The following SLC36A2 variants were observed in gnomAD, a reference collection of about 807,000 sequenced individuals.
The protein encoded by SLC36A2 is proton-coupled amino acid transporter 2.
SLC36A2 carries 39 observed loss-of-function variants against 42.7 expected under a neutral mutation model. The observed-to-expected ratio is 0.91, with a 90% CI of 0.71 to 1.19. The LOEUF is 1.19. Among genes scored for constraint, SLC36A2 ranks in the 50% most tolerant of loss-of-function variants. SLC36A2 has a pLI of 0.00. For synonymous variants in SLC36A2, 237 were observed against 240.8 expected, an observed-to-expected ratio of 0.98 and a Z score of 0.15; for missense variants, 590 against 613.7, an observed-to-expected ratio of 0.96 and a Z score of 0.41.
intron 9 of SLC36A2, chr5:151,319,741 A>T (rs973224723): frequency 6.5e-6 from 1 of 153,148 alleles, no homozygotes; most frequent in Non-Finnish European, 1.5e-5. Flanking sequence ...TTTGTCTGTG[A>T]CACCTGGACA....
In SLC36A2 at chr5:151,316,812, C is replaced by G. The variant is rs1337575343; in HGVS notation, c.*5G>C. The G allele has an allele frequency of 3.1e-6, 5 of 1,612,532 alleles. No individual in the cohort carries two copies. Among genetic ancestry groups the G allele is most frequent in the Middle Eastern group, 3.3e-4 (2 of 6,054 alleles). On this transcript the variant is annotated 3_prime_UTR_variant, in exon 10 of 10. Coordinates refer to ENST00000335244, the MANE Select transcript of SLC36A2 (RefSeq NM_181776.3). ...GGTGCTGGTAGGCAAGGAGCAGTGC[C>G]AGGCTCACCGAACAAAAGTGGTGGA...
chr5:151,337,330 C>G (rs143247691), intron 5 of SLC36A2, among the ~76,000 whole-genome samples: 1 of 152,178 alleles, frequency 6.6e-6, no homozygotes, highest in Admixed American at 6.5e-5. Flanking sequence ...TGCACCACCC[C>G]CCGGAGGAGG....
At chr5:151,322,304 T>C in intron 8 of SLC36A2, 89 bp from the exon 9 acceptor site, 1 of 1,477,430 alleles carries the variant, frequency 6.8e-7, no homozygotes, top group Non-Finnish European at 9.3e-7. Flanking sequence ...CTTGGGACAA[T>C]GACTTGGGCT....
Position 151,322,183 on chromosome 5 carries a change from G to C in SLC36A2, c.1043C>G (p.Ala348Gly). Residue 348 changes from alanine to glycine, a missense_variant, in exon 9 of 10, where the codon GCC (alanine) becomes GGC (glycine). Ala to Gly is a moderately conservative substitution (Grantham distance 60). Coordinates refer to ENST00000335244, the MANE Select transcript of SLC36A2 (RefSeq NM_181776.3). The part of the protein sequence containing the change: ...LYQSVKLLYI[A>G]GILCTYALQF... ...CAGGGCATAGGTGCACAGGATGCCG[G>C]CAATGTAGAGAAGCTTGACAGACTG... 6.2e-7 allele frequency: 1 copy of C among 1,614,116 alleles called. No individual in the cohort carries two copies. Among genetic ancestry groups the C allele is most frequent in the Non-Finnish European group, 8.5e-7 (1 of 1,180,002 alleles).
At chr5:151,317,920 C>T (rs1410224111) in intron 9 of SLC36A2, among the ~76,000 whole-genome samples, 1 of 152,126 alleles carries the variant, frequency 6.6e-6, no homozygotes, top group Non-Finnish European at 1.5e-5. Flanking sequence ...GCTTCCAGAA[C>T]AGCCAAAGAT....
intron 5 of SLC36A2, among the ~76,000 whole-genome samples, chr5:151,336,245 T>A (rs950250659): frequency 6.6e-6 from 1 of 152,112 alleles, no homozygotes; most frequent in African/African-American, 2.4e-5. Context: ...CAGACCCTCT[T>A]CCAGGAATCT....
chr5:151,315,912 T>A lies in SLC36A2; in HGVS notation c.*905A>T, dbSNP rs781059069. On this transcript the variant is annotated 3_prime_UTR_variant, in exon 10 of 10. Coordinates refer to ENST00000335244, the MANE Select transcript of SLC36A2 (RefSeq NM_181776.3). ...CCATGCCTCCTATTCATTGTTGGGA[T>A]CTTTGAGTTGGGAGAAAATGTTATC... 1 of 152,256 alleles carries A rather than the reference T, an allele frequency of 6.6e-6. No individual in the cohort carries two copies. The highest frequency in any genetic ancestry group is 2.4e-5 in the African/African-American group (1 of 41,468). The allele number at this position is 152,256 out of a possible 1,614,324, so 9.4% of individuals were successfully genotyped here. A position where few individuals can be genotyped will look rare whatever the true frequency, so the allele number is the denominator to read the frequency against.
chr5:151,343,564 A>G lies in SLC36A2; in HGVS notation c.290T>C (p.Ile97Thr), dbSNP rs777609718. Residue 97 changes from isoleucine (I) to threonine (T), a missense_variant, in exon 3 of 10, where the codon ATT (isoleucine) becomes ACT (threonine). By Grantham distance (89) the Ile-to-Thr change is moderately conservative. Transcript: ENST00000335244. ...GPLSLLVMGF[I>T]ACHCMHILVK... ...CAGGATGTGCATACAGTGGCAGGCA[A>G]TGAAGCCCATCACCAGCAGACTGAG... The G allele has an allele frequency of 6.2e-7, 1 of 1,614,214 alleles. No individual in the cohort carries two copies. Among genetic ancestry groups the G allele is most frequent in the Non-Finnish European group, 8.5e-7 (1 of 1,180,030 alleles).
chr5:151,335,200 A>G (rs914345773), intron 6 of SLC36A2, 129 bp downstream of exon 6: 5 of 693,960 alleles, frequency 7.2e-6, no homozygotes, highest in African/African-American at 1.8e-5. Flanking sequence ...GAAATGCTAC[A>G]GTGAGATGCA....
intron 4 of SLC36A2, among the ~76,000 whole-genome samples, chr5:151,340,804 G>A (rs1756323397): frequency 6.6e-6 from 1 of 152,140 alleles, no homozygotes; most frequent in African/African-American, 2.4e-5. Flanking sequence ...AGGTGTGGAT[G>A]GGATGTAAGG....
chr5:151,326,793 C>T (rs1283254581), intron 7 of SLC36A2, among the ~76,000 whole-genome samples: 3 of 150,782 alleles, frequency 2.0e-5, no homozygotes, highest in African/African-American at 4.9e-5. Context: ...TATCTGAAAA[C>T]GGGCTCAAAT....
intron 7 of SLC36A2, among the ~76,000 whole-genome samples, chr5:151,328,670 G>C (rs971120804): frequency 1.3e-5 from 2 of 152,154 alleles, no homozygotes; most frequent in Admixed American, 1.3e-4. Context: ...TCTCTACACA[G>C]AAGTACTAGG....
chr5:151,346,254 C>T (rs771725223), intron 1 of SLC36A2, among the ~76,000 whole-genome samples: 2 of 152,168 alleles, frequency 1.3e-5, no homozygotes, highest in Admixed American at 6.5e-5. Context: ...CTCTCAGGGT[C>T]ACTAATACTT....
In SLC36A2 at chr5:151,322,248, GC is replaced by G. The variant is rs778098277; in HGVS notation, c.1011-34del. 7 of 1,611,730 alleles carry G rather than the reference GC, an allele frequency of 4.3e-6. No individual in the cohort carries two copies. In the East Asian group the frequency reaches 1.6e-4, roughly 36 times the overall value. ...ACAAACCACAGAGCTGCTCTCCACGGCCACTGTGTTCTGACACTGGCCTCCT... is the reference window on the plus strand; with the variant it reads ...ACAAACCACAGAGCTGCTCTCCACGGCACTGTGTTCTGACACTGGCCTCCT... On this transcript the variant is annotated intron_variant, in intron 8 of 9. Coordinates refer to ENST00000335244, the MANE Select transcript of SLC36A2 (RefSeq NM_181776.3).
chr5:151,347,505 T>C lies in SLC36A2; in HGVS notation c.-45A>G. 6.2e-7 allele frequency: 1 copy of C among 1,609,542 alleles called. No individual in the cohort carries two copies. Among genetic ancestry groups the C allele is most frequent in the Non-Finnish European group, 8.5e-7 (1 of 1,177,630 alleles). ...AGCTCGGGGTGACAAAGAGGTCTGC[T>C]CTGGAAGGAGGGAAGCAGGAAGGTG... is the stretch of plus-strand genomic sequence containing the variant. On this transcript the variant is annotated 5_prime_UTR_variant, in exon 1 of 10. Transcript: ENST00000335244.
chr5:151,325,542 A>T, intron 7 of SLC36A2, 90 bp from the exon 8 acceptor site: 1 of 1,345,440 alleles, frequency 7.4e-7, no homozygotes, highest in Admixed American at 1.8e-5. Context: ...ACCCCAAAGA[A>T]CTGAAAGCAG....
intron 4 of SLC36A2, among the ~76,000 whole-genome samples, chr5:151,341,610 A>G (rs1452824918): frequency 6.6e-6 from 1 of 152,176 alleles, no homozygotes; most frequent in African/African-American, 2.4e-5. Flanking sequence ...CCTGAGAGCT[A>G]AAAGGTGGGA....
intron 1 of SLC36A2, among the ~76,000 whole-genome samples, chr5:151,345,244 A>G (rs1356655517): frequency 5.3e-5 from 8 of 152,184 alleles, no homozygotes; most frequent in Admixed American, 5.2e-4. Context: ...CCCCATGAGA[A>G]CCTTCTGGTT....
chr5:151,335,369 ATG>A lies in SLC36A2; in HGVS notation c.702_703del (p.Met235AlafsTer42), dbSNP rs1238095761. The A allele has an allele frequency of 6.2e-7, 1 of 1,613,956 alleles. No homozygotes were observed. The highest frequency in any genetic ancestry group is 8.5e-7 in the Non-Finnish European group (1 of 1,180,002). On this transcript the variant is annotated frameshift_variant, in exon 6 of 10. Coordinates refer to ENST00000335244, the MANE Select transcript of SLC36A2 (RefSeq NM_181776.3). LOFTEE classifies it high-confidence loss of function. ...TATGATGATGACCAAGCTGACCAGC[ATG>A]CTGATGTTGGCCAGCATGGAGAAGA... is the stretch of plus-strand genomic sequence containing the variant.
Sources: gnomAD v4.1 joint callset for allele counts (sites outside exome capture counted in the v4.1 genomes callset) on GRCh38, gnomAD v4.1.1 for gene constraint, MANE v1.5 for transcripts, NCBI Gene and HGNC (gene_info 2026-07-23, HGNC 2026-07-21) for gene names.